Variants in SUGT1 observed in about 807,000 individuals in gnomAD.
SUGT1 encodes SGT1 assembly cochaperone of MIS12 kinetochore complex, also known as protein SGT1 homolog.
A neutral mutation model predicts 56.1 loss-of-function variants in SUGT1; 15 were observed. That is an observed-to-expected ratio of 0.27 (90% CI 0.18 to 0.41). The LOEUF is 0.41. Ranked by LOEUF, SUGT1 falls within the 10% of genes least tolerant of loss-of-function variation. The pLI, the probability that SUGT1 is intolerant of heterozygous loss-of-function variation, is 1.00. For synonymous variants in SUGT1, 123 were observed against 128.6 expected, an observed-to-expected ratio of 0.96 and a Z score of 0.30; for missense variants, 347 against 382.2, an observed-to-expected ratio of 0.91 and a Z score of 0.77.
At chr13:52,662,901 T>C (rs1962532487) in intron 6 of SUGT1, among the ~76,000 whole-genome samples, 195 bp from the exon 7 acceptor site, 1 of 152,210 alleles carries the variant, frequency 6.6e-6, no homozygotes, top group Non-Finnish European at 1.5e-5. Context: ...GATTTGCTTG[T>C]ATGGTATATC....
chr13:52,667,485 C>T (rs1050800299), intron 10 of SUGT1, among the ~76,000 whole-genome samples: 1 of 152,122 alleles, frequency 6.6e-6, no homozygotes, highest in Non-Finnish European at 1.5e-5. Flanking sequence ...GCTGGGACTA[C>T]AGGCATGCAC....
At chr13:52,658,694 G>A (rs1236708659) in intron 4 of SUGT1, among the ~76,000 whole-genome samples, 3 of 147,960 alleles carry the variant, frequency 2.0e-5, no homozygotes, top group Non-Finnish European at 3.0e-5. Flanking sequence ...AGTGATGATT[G>A]AAGTATTTGC....
chr13:52,681,156 T>A (rs994204987), intron 12 of SUGT1, among the ~76,000 whole-genome samples: 15 of 151,770 alleles, frequency 9.9e-5, no homozygotes, highest in Non-Finnish European at 1.2e-4. Flanking sequence ...GATTAAAAAA[T>A]TTTTTTTCAT....
chr13:52,654,502 A>C (rs1265391355), intron 2 of SUGT1, among the ~76,000 whole-genome samples: 1 of 152,212 alleles, frequency 6.6e-6, no homozygotes, highest in Non-Finnish European at 1.5e-5. Context: ...TTTTAAGTCT[A>C]TAGTTTGATG....
chr13:52,672,470 T>C (rs1413015134), intron 10 of SUGT1, among the ~76,000 whole-genome samples: 1 of 152,194 alleles, frequency 6.6e-6, no homozygotes, highest in Non-Finnish European at 1.5e-5. Context: ...ATTTAAAAAA[T>C]GATTATAGAA....
Position 52,652,919 on chromosome 13 carries a change from G to C in SUGT1, c.-2G>C, listed in dbSNP as rs777979689. The C allele has an allele frequency of 1.9e-5, 30 of 1,613,764 alleles. No homozygotes were observed. The South Asian group carries it at 1.9e-4, about 10-fold the overall frequency. ...CGGCGGCAGCAACAGCGACTACGAGGGATGGCGGCGGCTGCAGCAGGAACT... is the reference window on the plus strand; with the variant it reads ...CGGCGGCAGCAACAGCGACTACGAGCGATGGCGGCGGCTGCAGCAGGAACT... On this transcript the variant is annotated 5_prime_UTR_variant, in exon 1 of 13. Coordinates refer to ENST00000310528, the MANE Select transcript of SUGT1 (RefSeq NM_006704.5).
chr13:52,668,562 T>C (rs1428815985), intron 10 of SUGT1, among the ~76,000 whole-genome samples: 1 of 152,152 alleles, frequency 6.6e-6, no homozygotes, highest in African/African-American at 2.4e-5. Flanking sequence ...ATTTTTGAAA[T>C]AGCTGCTTGG....
intron 10 of SUGT1, among the ~76,000 whole-genome samples, chr13:52,668,805 T>C (rs1385889168): frequency 6.8e-6 from 1 of 147,144 alleles, no homozygotes; most frequent in African/African-American, 2.6e-5. Flanking sequence ...CACTCCAGCC[T>C]GGGCAACAGA....
At position 52,656,038 on chromosome 13, in the gene SUGT1, C is replaced by T. The variant is rs550463739; in HGVS notation, c.97-1494C>T. Among the ~76,000 whole-genome samples the T allele has an allele frequency of 4.6e-5, 7 of 152,130 alleles. No homozygotes were observed. The South Asian group carries it at 1.5e-3, about 32-fold the overall frequency. On this transcript the variant is annotated intron_variant, in intron 2 of 12. Transcript: ENST00000310528. ...AGGCCTGGTTATTATTGTCAAGGGC[C>T]ACAGAGAGATCAAGTCAGATAGGAA...
chr13:52,667,224 T>C (rs1438588431), intron 10 of SUGT1, among the ~76,000 whole-genome samples: 1 of 152,246 alleles, frequency 6.6e-6, no homozygotes, highest in East Asian at 1.9e-4. Context: ...GATTTGATAC[T>C]GACAATGTCT....
chr13:52,682,657 T>C (rs1322564147), intron 12 of SUGT1, among the ~76,000 whole-genome samples: 2 of 152,178 alleles, frequency 1.3e-5, no homozygotes, highest in Non-Finnish European at 1.5e-5. Flanking sequence ...TAAAAATCAG[T>C]TGAGCGTATT....
chr13:52,660,920 C>T (rs1386890232), intron 5 of SUGT1, among the ~76,000 whole-genome samples: 2 of 152,232 alleles, frequency 1.3e-5, no homozygotes, highest in African/African-American at 2.4e-5. Context: ...GATCCTCCCA[C>T]CTCAGCCTCC....
At chr13:52,665,768 CTAT>C (rs1962675382) in intron 9 of SUGT1, 35 bp downstream of exon 9, 1 of 1,434,892 alleles carries the variant, frequency 7.0e-7, no homozygotes, top group Non-Finnish European at 9.6e-7. Context: ...ATGTTGATTA[CTAT>C]TATTTGCAAA....
At position 52,658,385 on chromosome 13, in the gene SUGT1, C is replaced by G; in HGVS notation, c.188-14C>G. 1 of 1,610,664 alleles carries G rather than the reference C, an allele frequency of 6.2e-7. No homozygotes were observed. The highest frequency in any genetic ancestry group is 8.5e-7 in the Non-Finnish European group (1 of 1,179,110). On this transcript the variant is annotated splice_polypyrimidine_tract_variant and intron_variant, in intron 3 of 12. Transcript: ENST00000310528. ...TATAAATAACTGACTAAAAACCCGT[C>G]TTTTTCTACACAGTTGCTGTTGCTG...
chr13:52,676,079 T>C (rs1963131268), intron 10 of SUGT1, 151 bp from the exon 11 acceptor site: 2 of 550,188 alleles, frequency 3.6e-6, no homozygotes, highest in Non-Finnish European at 3.1e-6. Flanking sequence ...CAAAATTGTT[T>C]CATAGTTTTT....
intron 12 of SUGT1, among the ~76,000 whole-genome samples, chr13:52,686,828 T>C (rs1963606941): frequency 6.6e-6 from 1 of 152,058 alleles, no homozygotes; most frequent in African/African-American, 2.4e-5. Flanking sequence ...CCCAGCACTT[T>C]GGGAGGCCAA....
Position 52,680,118 on chromosome 13 carries a change from G to C in SUGT1, c.863G>C (p.Gly288Ala). 1 of 1,590,724 alleles carries C rather than the reference G, an allele frequency of 6.3e-7. No homozygotes were observed. Among genetic ancestry groups the C allele is most frequent in the Non-Finnish European group, 8.5e-7 (1 of 1,173,410 alleles). The stretch of plus-strand genomic sequence containing the variant: ...TTATTTCAGCAGATCTATTCAGATG[G>C]TTCTGATGAAGTGAAACGTGCCATG... ...NRLFQQIYSD[G>A]SDEVKRAMNK... is the part of the protein sequence containing the mutation. Residue 288 changes from glycine (G) to alanine (A), a missense_variant, in exon 12 of 13, where the codon GGT becomes GCT. Gly to Ala is a moderately conservative substitution (Grantham distance 60). Transcript: ENST00000310528.
At chr13:52,665,293 T>C (rs549850124) in intron 8 of SUGT1, among the ~76,000 whole-genome samples, 2 of 152,280 alleles carry the variant, frequency 1.3e-5, no homozygotes, top group South Asian at 4.1e-4. Context: ...GTATAAAAAC[T>C]CTATTGATGG....
intron 2 of SUGT1, among the ~76,000 whole-genome samples, chr13:52,653,598 T>G (rs1232520577): frequency 6.6e-6 from 1 of 151,862 alleles, no homozygotes; most frequent in East Asian, 1.9e-4. Flanking sequence ...TTCATCAAAA[T>G]TTTTTTTTGG....
Sources: gnomAD v4.1 joint callset for allele counts (sites outside exome capture counted in the v4.1 genomes callset) on GRCh38, gnomAD v4.1.1 for gene constraint, MANE v1.5 for transcripts, NCBI Gene and HGNC (gene_info 2026-07-23, HGNC 2026-07-21) for gene names.